CAV1: variants seen among roughly 807,000 people sequenced by gnomAD.
The protein encoded by CAV1 is caveolin-1.
In CAV1, 10 loss-of-function variants were observed where a neutral mutation model predicts 16.5. That is an observed-to-expected ratio of 0.61 (90% CI 0.37 to 1.03). The LOEUF (loss-of-function observed/expected upper bound fraction) is 1.03. CAV1 is among the 50% of genes least tolerant of loss of function. The pLI is 0.01. For synonymous variants in CAV1, 76 were observed against 85.1 expected (o/e 0.89, Z 0.59); for missense variants, 212 against 232.8 (o/e 0.91, Z 0.58).
chr7:116,555,241 A>G (rs925184327), intron 2 of CAV1, among the ~76,000 whole-genome samples: 1 of 151,858 alleles, frequency 6.6e-6, no homozygotes, highest in Non-Finnish European at 1.5e-5. Flanking sequence ...TCAGGCGTTC[A>G]ACATCAGCCT....
intron 2 of CAV1, among the ~76,000 whole-genome samples, chr7:116,529,156 A>C (rs1359847999): frequency 6.6e-6 from 1 of 152,206 alleles, no homozygotes; most frequent in Non-Finnish European, 1.5e-5. Flanking sequence ...TAAAAAAATC[A>C]TGACAATAAT....
intron 1 of CAV1, 109 bp from the exon 2 acceptor site, chr7:116,526,416 C>T (rs986284510): frequency 1.3e-6 from 2 of 1,570,680 alleles, no homozygotes; most frequent in Non-Finnish European, 1.7e-6. Flanking sequence ...CTCGAGGTTT[C>T]CCCCGCCGCC....
intron 2 of CAV1, among the ~76,000 whole-genome samples, chr7:116,543,505 T>C (rs906168525): frequency 2.6e-5 from 4 of 152,262 alleles, no homozygotes; most frequent in African/African-American, 9.6e-5. Flanking sequence ...GGCTCAGAAC[T>C]CTGTGGTCTT....
chr7:116,542,026 G>A (rs952573107), intron 2 of CAV1, among the ~76,000 whole-genome samples: 2 of 152,202 alleles, frequency 1.3e-5, no homozygotes, highest in African/African-American at 2.4e-5. Context: ...TTGTTTAGGG[G>A]CAAAGAGGAA....
At chr7:116,552,210 A>AT (rs1334374195) in intron 2 of CAV1, among the ~76,000 whole-genome samples, 5 of 152,148 alleles carry the variant, frequency 3.3e-5, no homozygotes, top group Non-Finnish European at 7.4e-5. Context: ...TCTAAGTGTG[A>AT]TTTTTCCAGA....
intron 2 of CAV1, among the ~76,000 whole-genome samples, chr7:116,539,246 C>T (rs531906174): frequency 6.6e-6 from 1 of 152,100 alleles, no homozygotes. Context: ...TTCATCAAAG[C>T]CTTCCAACTA....
intron 2 of CAV1, among the ~76,000 whole-genome samples, chr7:116,537,075 A>C (rs1276158686): frequency 6.6e-6 from 1 of 151,398 alleles, no homozygotes; most frequent in Non-Finnish European, 1.5e-5. Flanking sequence ...TCATTATTTC[A>C]TGGCAGGGGA....
intron 2 of CAV1, among the ~76,000 whole-genome samples, chr7:116,537,078 G>T (rs933810201): frequency 1.3e-4 from 20 of 150,944 alleles, no homozygotes; most frequent in African/African-American, 4.9e-4. Flanking sequence ...TTATTTCATG[G>T]CAGGGGAACT....
chr7:116,527,752 C>T (rs1793597492), intron 2 of CAV1, among the ~76,000 whole-genome samples: 1 of 152,136 alleles, frequency 6.6e-6, no homozygotes, highest in African/African-American at 2.4e-5. Context: ...GGCGGATGAG[C>T]AATTTCCACC....
chr7:116,532,149 T>G (rs891606861), intron 2 of CAV1, among the ~76,000 whole-genome samples: 1 of 152,198 alleles, frequency 6.6e-6, no homozygotes, highest in Non-Finnish European at 1.5e-5. Context: ...TATGAAAAGC[T>G]TCATGATGTG....
intron 2 of CAV1, among the ~76,000 whole-genome samples, chr7:116,558,264 C>G (rs1381216515): frequency 1.3e-5 from 2 of 152,178 alleles, no homozygotes; most frequent in East Asian, 3.9e-4. Flanking sequence ...TTACATTGTA[C>G]TGAGTGCCTC....
chr7:116,535,696 T>C (rs1018947684), intron 2 of CAV1, among the ~76,000 whole-genome samples: 9 of 152,316 alleles, frequency 5.9e-5, no homozygotes, highest in Middle Eastern at 3.4e-3. Context: ...AGAATACAAA[T>C]TTCCTGCCTT....
At chr7:116,534,695 C>T (rs1199918561) in intron 2 of CAV1, among the ~76,000 whole-genome samples, 2 of 151,740 alleles carry the variant, frequency 1.3e-5, no homozygotes, top group African/African-American at 4.8e-5. Context: ...CCACTGCACC[C>T]GGCCCAGATA....
chr7:116,532,096 A>T (rs886971587), intron 2 of CAV1, among the ~76,000 whole-genome samples: 5 of 152,192 alleles, frequency 3.3e-5, no homozygotes, highest in Admixed American at 3.3e-4. Context: ...ATTTCATATT[A>T]TTTATTAAAA....
At chr7:116,534,387 A>ATGTTTTTTT (rs1196588254) in intron 2 of CAV1, among the ~76,000 whole-genome samples, 6 of 9,248 alleles carry the variant, frequency 6.5e-4, no homozygotes, top group African/African-American at 1.7e-3. Context: ...ATATATATAT[A>ATGTTTTTTT]TATATATATT....
chr7:116,560,052 T>C lies in CAV1; in HGVS notation c.*765T>C. The C allele has an allele frequency of 2.6e-6, 1 of 385,992 alleles. No homozygotes were observed. 23.9% of individuals were successfully genotyped at this position (385,992 alleles called of 1,614,324 possible). Reference sequence around the variant, plus strand: ...AAATTAGAATATCCATGACCTAGTTTTCCATGCGTGTTTCTGACTCTGAGC... The same window carrying C: ...AAATTAGAATATCCATGACCTAGTTCTCCATGCGTGTTTCTGACTCTGAGC... On this transcript the variant is annotated 3_prime_UTR_variant, in exon 3 of 3. Coordinates refer to ENST00000341049, the MANE Select transcript of CAV1 (RefSeq NM_001753.5).
chr7:116,528,024 A>AG (rs1793604352), intron 2 of CAV1, among the ~76,000 whole-genome samples: 1 of 151,824 alleles, frequency 6.6e-6, no homozygotes, highest in Non-Finnish European at 1.5e-5. Flanking sequence ...AGAATTGCTA[A>AG]AAAACTATTT....
In CAV1 at chr7:116,560,664, G is replaced by A. The variant is rs1794391902; in HGVS notation, c.*1377G>A. ...GTAAACCTGAGTCGTACAGAAAGCTGCCTGGTATATCCAAAAGCTTTTTAT... is the reference window on the plus strand; with the variant it reads ...GTAAACCTGAGTCGTACAGAAAGCTACCTGGTATATCCAAAAGCTTTTTAT... On this transcript the variant is annotated 3_prime_UTR_variant, in exon 3 of 3. Transcript: ENST00000341049. The A allele has an allele frequency of 6.6e-6, 1 of 152,650 alleles. No individual in the cohort carries two copies. The highest frequency in any genetic ancestry group is 3.2e-3 in the Middle Eastern group (1 of 316). 9.5% of individuals were successfully genotyped at this position (152,650 alleles called of 1,614,324 possible).
chr7:116,549,364 A>T (rs1000173872), intron 2 of CAV1, among the ~76,000 whole-genome samples: 35 of 151,990 alleles, frequency 2.3e-4, no homozygotes, highest in African/African-American at 8.4e-4. Flanking sequence ...TTCAACCTAT[A>T]TTTTCTAAAT....
Sources: gnomAD v4.1 joint callset for allele counts (sites outside exome capture counted in the v4.1 genomes callset) on GRCh38, gnomAD v4.1.1 for gene constraint, MANE v1.5 for transcripts, NCBI Gene and HGNC (gene_info 2026-07-23, HGNC 2026-07-21) for gene names.